The following CNTNAP2 variants were observed in gnomAD, a reference collection of about 807,000 sequenced individuals.
The protein encoded by CNTNAP2 is contactin-associated protein-like 2.
In CNTNAP2, 98 loss-of-function variants were observed where a neutral mutation model predicts 155.2. The observed-to-expected ratio is 0.63, with a 90% CI of 0.54 to 0.75. The LOEUF is 0.75. CNTNAP2 is among the 30% of genes least tolerant of loss of function. The pLI is 0.00. For synonymous variants in CNTNAP2, 651 were observed against 631.2 expected (o/e 1.03, Z -0.47); for missense variants, 1,727 against 1,688.1 (o/e 1.02, Z -0.40).
rs574675703 is a variant in CNTNAP2 at position 147,941,367 on chromosome 7, T to G, written c.2256-36495T>G. ...AGTAAAGGCTCGACATTATAGAATCTGCCTCATACTAGGATTCCCAGTAGC... is the reference window on the plus strand; with the variant it reads ...AGTAAAGGCTCGACATTATAGAATCGGCCTCATACTAGGATTCCCAGTAGC... On this transcript the variant is annotated intron_variant, in intron 14 of 23. Transcript: ENST00000361727. Among the ~76,000 whole-genome samples the G allele has an allele frequency of 3.9e-5, 6 of 152,280 alleles. No individual in the cohort carries two copies. The South Asian group carries it at 1.2e-3, about 32-fold the overall frequency.
intron 11 of CNTNAP2, among the ~76,000 whole-genome samples, chr7:147,502,192 A>G (rs547339127): frequency 2.0e-5 from 3 of 152,344 alleles, no homozygotes; most frequent in African/African-American, 7.2e-5. Context: ...CAAATTTCCA[A>G]TCAGATGTTT....
rs184572981 is a variant in CNTNAP2, at chr7:148,042,441, G to A, written c.2383+64452G>A. Among the ~76,000 whole-genome samples, 119 of 152,252 alleles carry A rather than the reference G, an allele frequency of 7.8e-4. 1 individual carries two copies. The highest frequency in any genetic ancestry group is 2.2e-3 in the Admixed American group (34 of 15,294). The stretch of plus-strand genomic sequence containing the variant: ...TTCCCTTTGGCTTCTGGTTCTAAGC[G>A]TGTTAGCATCACGGCCCCTTTTCAT... On this transcript the variant is annotated intron_variant, in intron 15 of 23. Coordinates refer to ENST00000361727, the MANE Select transcript of CNTNAP2 (RefSeq NM_014141.6).
intron 12 of CNTNAP2, among the ~76,000 whole-genome samples, chr7:147,577,389 T>C (rs1201637309): frequency 1.3e-5 from 2 of 152,062 alleles, no homozygotes; most frequent in African/African-American, 4.8e-5. Context: ...AATATAATAG[T>C]TTCTTCTCCC....
At chr7:146,664,477 G>C (rs147051637) in intron 1 of CNTNAP2, among the ~76,000 whole-genome samples, 1 of 152,040 alleles carries the variant, frequency 6.6e-6, no homozygotes, top group Non-Finnish European at 1.5e-5. Flanking sequence ...ATTGGTTTTT[G>C]AATATAAAAT....
chr7:147,688,071 C>T (rs559791236), intron 13 of CNTNAP2, among the ~76,000 whole-genome samples: 22 of 152,200 alleles, frequency 1.4e-4, no homozygotes, highest in African/African-American at 5.1e-4. Flanking sequence ...AATCATGATG[C>T]GGAAGAGGGC....
intron 10 of CNTNAP2, among the ~76,000 whole-genome samples, chr7:147,433,256 T>C (rs368728546): frequency 1.3e-5 from 2 of 152,326 alleles, no homozygotes; most frequent in South Asian, 2.1e-4. Flanking sequence ...GGGCGAATAA[T>C]TTGCATTCAT....
chr7:148,280,368 C>A (rs1379892665), intron 21 of CNTNAP2, among the ~76,000 whole-genome samples: 1 of 151,470 alleles, frequency 6.6e-6, no homozygotes, highest in Non-Finnish European at 1.5e-5. Context: ...ATTATCCTGA[C>A]TATGGTGGTG....
chr7:147,181,083 G>T (rs1211223379), intron 8 of CNTNAP2, among the ~76,000 whole-genome samples: 1 of 152,172 alleles, frequency 6.6e-6, no homozygotes, highest in Non-Finnish European at 1.5e-5. Context: ...AATAGTATAT[G>T]CATGGGACAA....
chr7:148,207,824 G>A (rs1795476220), intron 18 of CNTNAP2, among the ~76,000 whole-genome samples: 1 of 152,166 alleles, frequency 6.6e-6, no homozygotes, highest in Non-Finnish European at 1.5e-5. Flanking sequence ...TCATCACAGC[G>A]TGGTGGCTCA....
At chr7:146,636,802 T>C (rs538935522) in intron 1 of CNTNAP2, among the ~76,000 whole-genome samples, 28 of 152,320 alleles carry the variant, frequency 1.8e-4, no homozygotes, top group African/African-American at 6.7e-4. Flanking sequence ...ATTTCATTTG[T>C]TTGTATAGAA....
At chr7:146,879,926 T>C (rs1310881756) in intron 3 of CNTNAP2, among the ~76,000 whole-genome samples, 2 of 151,888 alleles carry the variant, frequency 1.3e-5, no homozygotes, top group Admixed American at 1.3e-4. Context: ...AAAAGGCACA[T>C]CTTACATGGT....
At chr7:146,735,131 T>C (rs1801589429) in intron 1 of CNTNAP2, among the ~76,000 whole-genome samples, 1 of 152,226 alleles carries the variant, frequency 6.6e-6, no homozygotes, top group Non-Finnish European at 1.5e-5. Flanking sequence ...TCCGGTATTA[T>C]ACAGAAAGCA....
chr7:147,599,958 G>A (rs1800912670), intron 12 of CNTNAP2, among the ~76,000 whole-genome samples: 1 of 152,196 alleles, frequency 6.6e-6, no homozygotes, highest in Non-Finnish European at 1.5e-5. Flanking sequence ...ATACCATTAA[G>A]TGTTTCTTAA....
chr7:147,619,931 C>T (rs1353746446), intron 12 of CNTNAP2, among the ~76,000 whole-genome samples: 1 of 152,118 alleles, frequency 6.6e-6, no homozygotes, highest in Non-Finnish European at 1.5e-5. Context: ...GTGGTGGTGG[C>T]CAAGGAGTAG....
At chr7:147,828,247 AGC>A (rs1798491787) in intron 13 of CNTNAP2, among the ~76,000 whole-genome samples, 1 of 152,196 alleles carries the variant, frequency 6.6e-6, no homozygotes, top group African/African-American at 2.4e-5. Flanking sequence ...AGGGCATTGA[AGC>A]CCAAGGTTAA....
At chr7:147,748,853 G>C (rs1797089143) in intron 13 of CNTNAP2, among the ~76,000 whole-genome samples, 1 of 152,148 alleles carries the variant, frequency 6.6e-6, no homozygotes, top group African/African-American at 2.4e-5. Context: ...GGGGAATAGG[G>C]AAAGGTGCTA....
Position 146,183,463 on chromosome 7 carries a change from T to A in CNTNAP2, c.97+66490T>A, listed in dbSNP as rs181677131. On this transcript the variant is annotated intron_variant, in intron 1 of 23. Coordinates refer to ENST00000361727, the MANE Select transcript of CNTNAP2 (RefSeq NM_014141.6). Reference sequence around the variant, plus strand: ...ATGAGTTTGTGGCTTGCTCTCTTAATGAACCCTATGGTATGATGAAAACTG... The same window carrying A: ...ATGAGTTTGTGGCTTGCTCTCTTAAAGAACCCTATGGTATGATGAAAACTG... Among the ~76,000 whole-genome samples the A allele has an allele frequency of 6.1e-3, 935 of 152,118 alleles. 7 individuals are homozygous for A. Among genetic ancestry groups the A allele is most frequent in the Non-Finnish European group, 9.9e-3 (671 of 67,994 alleles).
intron 8 of CNTNAP2, among the ~76,000 whole-genome samples, chr7:147,225,853 A>G (rs1388442399): frequency 6.9e-6 from 1 of 144,374 alleles, no homozygotes; most frequent in African/African-American, 2.6e-5. Flanking sequence ...GAAAGAAGGA[A>G]GGAGGGAAAG....
chr7:147,055,431 A>T (rs1478722241), intron 4 of CNTNAP2, among the ~76,000 whole-genome samples: 2 of 152,066 alleles, frequency 1.3e-5, no homozygotes, highest in East Asian at 3.9e-4. Flanking sequence ...TGCAGTGTGT[A>T]TCAGATCCCA....
Sources: gnomAD v4.1 joint callset for allele counts (sites outside exome capture counted in the v4.1 genomes callset) on GRCh38, gnomAD v4.1.1 for gene constraint, MANE v1.5 for transcripts, NCBI Gene and HGNC (gene_info 2026-07-23, HGNC 2026-07-21) for gene names.